Variants in ROBO1 observed in about 807,000 individuals in gnomAD.
ROBO1 encodes roundabout guidance receptor 1, also known as roundabout homolog 1.
In ROBO1, 149 loss-of-function variants were observed where a neutral mutation model predicts 195.9. That is an observed-to-expected ratio of 0.76 (90% confidence interval 0.67 to 0.87). ROBO1 has a LOEUF of 0.87. Among genes scored for constraint, ROBO1 ranks in the 40% least tolerant of loss-of-function variants. The pLI is 0.00. For synonymous variants in ROBO1, 816 were observed against 733.2 expected (o/e 1.11, Z -1.82); for missense variants, 1,933 against 2,068.3 (o/e 0.93, Z 1.27).
intron 2 of ROBO1, among the ~76,000 whole-genome samples, chr3:79,326,921 T>C (rs953497495): frequency 6.6e-6 from 1 of 152,188 alleles, no homozygotes; most frequent in African/African-American, 2.4e-5. Context: ...GCTGAACTTC[T>C]TGGGCTCAAA....
chr3:78,939,001 T>A (rs2039975540), intron 3 of ROBO1, 74 bp from the exon 4 acceptor site: 3 of 1,311,740 alleles, frequency 2.3e-6, no homozygotes, highest in Non-Finnish European at 3.2e-6. Flanking sequence ...AAGCATTGGC[T>A]TAACCATTAC....
At chr3:78,980,074 A>G (rs2076959909) in intron 3 of ROBO1, among the ~76,000 whole-genome samples, 1 of 152,172 alleles carries the variant, frequency 6.6e-6, no homozygotes, top group Non-Finnish European at 1.5e-5. Context: ...AATTTAAGAA[A>G]ACATTTGCCG....
At chr3:78,747,158 C>A (rs1395476250) in intron 4 of ROBO1, among the ~76,000 whole-genome samples, 1 of 152,136 alleles carries the variant, frequency 6.6e-6, no homozygotes, top group East Asian at 1.9e-4. Flanking sequence ...AGTGCCCTCA[C>A]AGTTAGTATT....
intron 4 of ROBO1, among the ~76,000 whole-genome samples, chr3:78,847,423 C>A (rs1360893216): frequency 6.6e-6 from 1 of 152,056 alleles, no homozygotes; most frequent in Non-Finnish European, 1.5e-5. Context: ...GAGATTAGTT[C>A]CGCCAGAATG....
At chr3:79,738,741 A>G (rs1450644812) in intron 1 of ROBO1, among the ~76,000 whole-genome samples, 1 of 152,180 alleles carries the variant, frequency 6.6e-6, no homozygotes, top group Non-Finnish European at 1.5e-5. Flanking sequence ...AGGCTACTGC[A>G]TTGTGTATTT....
chr3:78,797,167 C>T (rs977154887), intron 4 of ROBO1, among the ~76,000 whole-genome samples: 1 of 152,164 alleles, frequency 6.6e-6, no homozygotes, highest in Admixed American at 6.5e-5. Context: ...TAAACTATAA[C>T]TAGCCATCGT....
chr3:79,289,081 C>T (rs375097729), intron 2 of ROBO1, among the ~76,000 whole-genome samples: 45 of 148,188 alleles, frequency 3.0e-4, no homozygotes, highest in African/African-American at 1.1e-3. Context: ...AATCTAAGTC[C>T]AGGTGAAATC....
intron 4 of ROBO1, among the ~76,000 whole-genome samples, chr3:78,752,605 T>A (rs2082825312): frequency 6.6e-6 from 1 of 152,106 alleles, no homozygotes; most frequent in African/African-American, 2.4e-5. Flanking sequence ...TTCTTAATAT[T>A]TATTAAATAA....
chr3:79,583,353 A>G (rs1443157489), intron 2 of ROBO1, among the ~76,000 whole-genome samples: 2 of 151,994 alleles, frequency 1.3e-5, no homozygotes, highest in Admixed American at 1.3e-4. Flanking sequence ...CTTAAATTTG[A>G]GGAAATGTGT....
intron 4 of ROBO1, among the ~76,000 whole-genome samples, chr3:78,809,488 G>A: frequency 6.6e-6 from 1 of 152,074 alleles, no homozygotes; most frequent in Non-Finnish European, 1.5e-5. Flanking sequence ...TCCCATTACT[G>A]GGTATATACA....
chr3:79,126,315 C>A (rs138306500), intron 2 of ROBO1, among the ~76,000 whole-genome samples: 2 of 152,058 alleles, frequency 1.3e-5, no homozygotes, highest in Non-Finnish European at 2.9e-5. Flanking sequence ...ATAAAAAATG[C>A]ATTTTTTCTG....
chr3:79,639,940 T>A (rs1945607545), intron 1 of ROBO1, among the ~76,000 whole-genome samples: 1 of 152,340 alleles, frequency 6.6e-6, no homozygotes, highest in South Asian at 2.1e-4. Context: ...AGCATCTGCA[T>A]CAGTAGCTTG....
rs960243825 is a variant in ROBO1, at chr3:78,645,162, G to C, written c.2882+986C>G. ...AGTTAGCAATACCCAGGAAAGAAAA[G>C]ATTAGTACTTGTTGCCAAATTTGTA... On this transcript the variant is annotated intron_variant, in intron 21 of 30. Transcript: ENST00000464233. Among the ~76,000 whole-genome samples the C allele has an allele frequency of 2.6e-5, 4 of 152,138 alleles. No homozygotes were observed. In the South Asian group the frequency reaches 6.2e-4, roughly 24 times the overall value.
At chr3:79,207,520 T>C (rs2081891837) in intron 2 of ROBO1, among the ~76,000 whole-genome samples, 1 of 152,128 alleles carries the variant, frequency 6.6e-6, no homozygotes, top group African/African-American at 2.4e-5. Context: ...TCCAAAAAGT[T>C]GAGATTTCTA....
At chr3:79,308,209 T>G (rs1458893902) in intron 2 of ROBO1, among the ~76,000 whole-genome samples, 2 of 152,176 alleles carry the variant, frequency 1.3e-5, no homozygotes, top group Non-Finnish European at 2.9e-5. Context: ...AAGTAGAAGT[T>G]GTATAATTTT....
At chr3:78,689,219 C>T (rs972800695) in intron 8 of ROBO1, among the ~76,000 whole-genome samples, 1 of 152,118 alleles carries the variant, frequency 6.6e-6, no homozygotes, top group African/African-American at 2.4e-5. Flanking sequence ...AAATTATAAC[C>T]ATTTAAAATC....
chr3:79,272,917 C>T (rs2030693892), intron 2 of ROBO1, among the ~76,000 whole-genome samples: 1 of 152,046 alleles, frequency 6.6e-6, no homozygotes, highest in Non-Finnish European at 1.5e-5. Context: ...GCAGATTTAT[C>T]AATGGAAATC....
At chr3:79,490,951 T>C (rs1161538950) in intron 2 of ROBO1, among the ~76,000 whole-genome samples, 2 of 151,962 alleles carry the variant, frequency 1.3e-5, no homozygotes, top group Non-Finnish European at 2.9e-5. Context: ...CCCCTTCCCT[T>C]CTCTCTCTCC....
intron 1 of ROBO1, among the ~76,000 whole-genome samples, chr3:79,756,550 C>CAAAAAAAA (rs147939503): frequency 9.4e-6 from 1 of 106,404 alleles, no homozygotes; most frequent in Admixed American, 9.8e-5. Context: ...AGCACCATCT[C>CAAAAAAAA]AAAAAAAAAA....
Sources: allele counts gnomAD v4.1 joint callset (sites outside exome capture counted in the v4.1 genomes callset), GRCh38; gene constraint gnomAD v4.1.1; transcripts MANE v1.5; gene names NCBI Gene and HGNC (gene_info 2026-07-23, HGNC 2026-07-21).